Variants in NSUN6 observed in about 807,000 individuals in gnomAD.
NSUN6 encodes NOP2/Sun RNA methyltransferase 6.
In NSUN6, 64 loss-of-function variants were observed where a neutral mutation model predicts 58.0. That is an observed-to-expected ratio of 1.10 (90% confidence interval 0.90 to 1.36). NSUN6 has a LOEUF of 1.36. Among genes scored for constraint, NSUN6 ranks in the 40% most tolerant of loss-of-function variants. The pLI, the probability that NSUN6 is intolerant of heterozygous loss-of-function variation, is 0.00. For synonymous variants in NSUN6, 231 were observed against 193.9 expected (o/e 1.19, Z -1.59); for missense variants, 701 against 550.1 (o/e 1.27, Z -2.74).
At chr10:18,624,991 A>G (rs1219108451) in intron 3 of NSUN6, among the ~76,000 whole-genome samples, 1 of 152,178 alleles carries the variant, frequency 6.6e-6, no homozygotes, top group Non-Finnish European at 1.5e-5. Flanking sequence ...TGACCAGCCC[A>G]ATAAAACCCT....
chr10:18,567,158 C>T (rs531613732), intron 8 of NSUN6, among the ~76,000 whole-genome samples: 449 of 150,598 alleles, frequency 3.0e-3, no homozygotes, highest in Middle Eastern at 6.9e-3. Flanking sequence ...ATTACATCCT[C>T]CATTACATTT....
chr10:18,639,282 C>T (rs1263558416), intron 3 of NSUN6, among the ~76,000 whole-genome samples: 1 of 152,100 alleles, frequency 6.6e-6, no homozygotes, highest in Non-Finnish European at 1.5e-5. Context: ...ATCATGAAGT[C>T]AGAAGTTGGA....
upstream of NSUN6, among the ~76,000 whole-genome samples, chr10:18,656,472 G>C (rs528576785): frequency 1.3e-5 from 2 of 152,252 alleles, no homozygotes; most frequent in African/African-American, 4.8e-5. Flanking sequence ...GGGAGGCAGA[G>C]GTTGCAGTGA....
At chr10:18,567,237 T>C (rs1186903045) in intron 8 of NSUN6, among the ~76,000 whole-genome samples, 1 of 151,538 alleles carries the variant, frequency 6.6e-6, no homozygotes, top group Non-Finnish European at 1.5e-5. Context: ...CTCCATTCCA[T>C]TCCATATTCT....
At chr10:18,635,542 C>A (rs2059183362) in intron 3 of NSUN6, among the ~76,000 whole-genome samples, 1 of 152,014 alleles carries the variant, frequency 6.6e-6, no homozygotes, top group Non-Finnish European at 1.5e-5. Context: ...TCATCAAAAG[C>A]TAAGAGGAAA....
At chr10:18,555,141 T>C (rs2054894882) in intron 8 of NSUN6, among the ~76,000 whole-genome samples, 1 of 140,606 alleles carries the variant, frequency 7.1e-6, no homozygotes, top group African/African-American at 2.7e-5. Flanking sequence ...TGTAATGTAA[T>C]GGAGAATGGA....
chr10:18,573,668 C>G (rs530082614), intron 8 of NSUN6, among the ~76,000 whole-genome samples: 57 of 152,278 alleles, frequency 3.7e-4, no homozygotes, highest in African/African-American at 1.4e-3. Context: ...AGGTAACTGA[C>G]TTCTCTACAC....
rs537399648 is a variant in NSUN6, at chr10:18,577,941, C to T, written c.922+8008G>A. Among the ~76,000 whole-genome samples, 11 of 152,318 alleles carry T rather than the reference C, an allele frequency of 7.2e-5. No individual in the cohort carries two copies. The South Asian group carries it at 1.7e-3, about 23-fold the overall frequency. ...ATGACACAGCAGCAGGAGCCATACG[C>T]GTAAGGGATAAGAACCCCTTCCCCT... On this transcript the variant is annotated intron_variant, in intron 8 of 10. Coordinates refer to ENST00000377304, the MANE Select transcript of NSUN6 (RefSeq NM_182543.5).
chr10:18,553,119 C>T (rs940626815), intron 8 of NSUN6, among the ~76,000 whole-genome samples: 3 of 151,242 alleles, frequency 2.0e-5, no homozygotes, highest in South Asian at 2.1e-4. Context: ...CCATTCCGTT[C>T]GATTCTCCAT....
intron 5 of NSUN6, among the ~76,000 whole-genome samples, chr10:18,613,974 T>C (rs1055604966): frequency 1.3e-5 from 2 of 152,214 alleles, no homozygotes; most frequent in Non-Finnish European, 2.9e-5. Context: ...GAACAGACTA[T>C]ATTTTAATTT....
At chr10:18,552,533 A>C (rs2133414655) in intron 8 of NSUN6, among the ~76,000 whole-genome samples, 1 of 152,216 alleles carries the variant, frequency 6.6e-6, no homozygotes, top group South Asian at 2.1e-4. Context: ...TAATCTATTT[A>C]ATATTATTGG....
intron 8 of NSUN6, among the ~76,000 whole-genome samples, chr10:18,555,230 G>T (rs2054904393): frequency 6.6e-6 from 1 of 150,888 alleles, no homozygotes; most frequent in African/African-American, 2.4e-5. Flanking sequence ...GGATGAAATG[G>T]AATAGAGTGG....
At chr10:18,648,064 A>G (rs1313317593) in intron 2 of NSUN6, among the ~76,000 whole-genome samples, 1 of 152,108 alleles carries the variant, frequency 6.6e-6, no homozygotes, top group Non-Finnish European at 1.5e-5. Context: ...TATGTCAATT[A>G]ACAATATAAT....
chr10:18,589,755 G>A (rs1412046304), intron 7 of NSUN6, among the ~76,000 whole-genome samples: 1 of 152,022 alleles, frequency 6.6e-6, no homozygotes, highest in Non-Finnish European at 1.5e-5. Context: ...GCTCCTAAAG[G>A]AAGCACTAAA....
At chr10:18,565,409 T>TCCATA (rs1254629383) in intron 8 of NSUN6, among the ~76,000 whole-genome samples, 1 of 151,114 alleles carries the variant, frequency 6.6e-6, no homozygotes, top group Non-Finnish European at 1.5e-5. Context: ...TCCATTCCAT[T>TCCATA]CCATACCATT....
chr10:18,546,301 G>C (rs1265047676), intron 10 of NSUN6, among the ~76,000 whole-genome samples, 156 bp from the exon 11 acceptor site: 7 of 152,162 alleles, frequency 4.6e-5, no homozygotes, highest in Non-Finnish European at 1.0e-4. Context: ...GAACATACGT[G>C]CTGCTTTCCA....
In NSUN6 at chr10:18,551,963, G is replaced by C. The variant is rs2054632812; in HGVS notation, c.931C>G (p.Pro311Ala). Residue 311 changes from proline to alanine, a missense_variant, in exon 9 of 11, where the codon CCA becomes GCA. Pro to Ala is a conservative substitution (Grantham distance 27). Transcript: ENST00000377304. ...CGGTCAAAGGATTCTGGTAGAAATGGAGGTTCTCCTATAAAGAGAATTATA... is the reference window on the plus strand; with the variant it reads ...CGGTCAAAGGATTCTGGTAGAAATGCAGGTTCTCCTATAAAGAGAATTATA... ...DMVEDTEGEP[P>A]FLPESFDRIL... is the part of the protein sequence containing the mutation. The C allele has an allele frequency of 6.3e-7, 1 of 1,599,634 alleles. No homozygotes were observed. The highest frequency in any genetic ancestry group is 8.6e-7 in the Non-Finnish European group (1 of 1,168,492).
At chr10:18,603,531 TG>T (rs2057932258) in intron 6 of NSUN6, among the ~76,000 whole-genome samples, 1 of 151,032 alleles carries the variant, frequency 6.6e-6, no homozygotes, top group South Asian at 2.1e-4. Context: ...AGTGCAATGG[TG>T]CAATCTAGGC....
intron 8 of NSUN6, among the ~76,000 whole-genome samples, chr10:18,557,321 T>C (rs907121261): frequency 1.3e-5 from 2 of 148,722 alleles, no homozygotes; most frequent in Non-Finnish European, 3.0e-5. Context: ...GCGAAGCGGA[T>C]GGAATGCAGT....
Sources: allele counts gnomAD v4.1 joint callset (sites outside exome capture counted in the v4.1 genomes callset), GRCh38; gene constraint gnomAD v4.1.1; transcripts MANE v1.5; gene names NCBI Gene and HGNC (gene_info 2026-07-23, HGNC 2026-07-21).